CD80: variants seen among roughly 807,000 people sequenced by gnomAD.
CD80 encodes CD80 molecule.
Under a neutral mutation model 27.1 loss-of-function variants are expected in CD80, and 13 were observed. The observed-to-expected ratio is 0.48, with a 90% CI of 0.31 to 0.76. CD80 has a LOEUF of 0.76. Among genes scored for constraint, CD80 ranks in the 30% least tolerant of loss-of-function variants. The probability of loss-of-function intolerance (pLI) is 0.04; values close to 1 mark genes in which losing one functional copy is unlikely to be tolerated. For synonymous variants in CD80, 125 were observed against 125.5 expected (o/e 1.00, Z 0.03); for missense variants, 277 against 347.9 (o/e 0.80, Z 1.62).
At chr3:119,553,497 A>G (rs967473564) in intron 2 of CD80, among the ~76,000 whole-genome samples, 4 of 152,218 alleles carry the variant, frequency 2.6e-5, no homozygotes, top group African/African-American at 7.2e-5. Context: ...CATGAAGGGA[A>G]AAGAAGAATC....
intron 2 of CD80, among the ~76,000 whole-genome samples, chr3:119,551,486 C>A (rs1255290513): frequency 6.6e-6 from 1 of 152,066 alleles, no homozygotes. Context: ...TGGTTTTGGC[C>A]TCCTTCCTAC....
chr3:119,552,149 G>A (rs2082236063), intron 2 of CD80, among the ~76,000 whole-genome samples: 1 of 152,186 alleles, frequency 6.6e-6, no homozygotes, highest in African/African-American at 2.4e-5. Context: ...CACAGGAGAG[G>A]AAGCTATTTG....
At chr3:119,539,422 A>T (rs78596115) in intron 3 of CD80, among the ~76,000 whole-genome samples, 36 of 124,448 alleles carry the variant, frequency 2.9e-4, no homozygotes, top group Admixed American at 1.5e-3. Flanking sequence ...GGTTGAAATT[A>T]AAAAAAAAAA....
chr3:119,553,579 T>G (rs1431345946), intron 2 of CD80, among the ~76,000 whole-genome samples: 1 of 152,210 alleles, frequency 6.6e-6, no homozygotes, highest in Non-Finnish European at 1.5e-5. Flanking sequence ...CAGTGGCCAG[T>G]CTGCAGTGCC....
intron 2 of CD80, among the ~76,000 whole-genome samples, chr3:119,553,945 C>CT (rs1253417020): frequency 6.6e-6 from 1 of 152,218 alleles, no homozygotes; most frequent in Non-Finnish European, 1.5e-5. Context: ...ACCGACAGGG[C>CT]TGGTGTCAGC....
intron 3 of CD80, among the ~76,000 whole-genome samples, chr3:119,540,132 A>G (rs976231967): frequency 2.6e-5 from 4 of 152,130 alleles, no homozygotes; most frequent in Non-Finnish European, 5.9e-5. Flanking sequence ...TGTATTTTTA[A>G]TAGAGATGGG....
chr3:119,535,554 G>A (rs1473266253), intron 4 of CD80, among the ~76,000 whole-genome samples: 1 of 152,126 alleles, frequency 6.6e-6, no homozygotes, highest in African/African-American at 2.4e-5. Context: ...GGCCTAAGAT[G>A]TATATATTCA....
At chr3:119,542,750 T>C (rs1182983017) in intron 3 of CD80, among the ~76,000 whole-genome samples, 1 of 152,208 alleles carries the variant, frequency 6.6e-6, no homozygotes, top group Non-Finnish European at 1.5e-5. Flanking sequence ...TAAACAAAGA[T>C]GGTAACAGCC....
chr3:119,532,367 G>A lies in CD80; in HGVS notation c.701-2430C>T, dbSNP rs188595569. On this transcript the variant is annotated intron_variant, in intron 4 of 6. Transcript: ENST00000264246. ...AAGTACAAAAAATTATCGGTGGCGA[G>A]TACCAATCCCAGGTACTCAGGAGGC... Among the ~76,000 whole-genome samples the A allele has an allele frequency of 1.4e-3, 211 of 152,178 alleles. 2 individuals carry two copies. The highest frequency in any genetic ancestry group is 0.013 in the Admixed American group (192 of 15,272).
rs2082058460 is a variant in CD80 at position 119,525,350 on chromosome 3, A to C, written c.*438T>G. The C allele has an allele frequency of 6.6e-6, 1 of 152,208 alleles. No individual in the cohort carries two copies. Among genetic ancestry groups the C allele is most frequent in the South Asian group, 2.1e-4 (1 of 4,828 alleles). 9.4% of individuals were successfully genotyped at this position (152,208 alleles called of 1,614,324 possible). On this transcript the variant is annotated 3_prime_UTR_variant, in exon 7 of 7. Transcript: ENST00000264246. ...CTGAAGTTGACCTGTTATTGGACAA[A>C]TTCTACTTCCAGCAGCACTTTGCCT...
At position 119,525,340 on chromosome 3, in the gene CD80, T is replaced by A. The variant is rs536632287; in HGVS notation, c.*448A>T. On this transcript the variant is annotated 3_prime_UTR_variant, in exon 7 of 7. Transcript: ENST00000264246. Reference sequence around the variant, plus strand: ...CAGATAGTCTCTGAAGTTGACCTGTTATTGGACAAATTCTACTTCCAGCAG... The same window carrying A: ...CAGATAGTCTCTGAAGTTGACCTGTAATTGGACAAATTCTACTTCCAGCAG... 5.9e-5 allele frequency: 9 copies of A among 152,360 alleles called. No individual in the cohort carries two copies. The highest frequency in any genetic ancestry group is 5.2e-4 in the Admixed American group (8 of 15,306). The allele number at this position is 152,360 out of a possible 1,614,324, so 9.4% of individuals were successfully genotyped here.
intron 3 of CD80, among the ~76,000 whole-genome samples, chr3:119,539,315 C>T (rs758593314): frequency 6.6e-5 from 10 of 151,460 alleles, no homozygotes; most frequent in African/African-American, 2.2e-4. Flanking sequence ...TATATTTGTC[C>T]GAATTAATTA....
At chr3:119,537,694 C>T (rs887208376) in intron 3 of CD80, among the ~76,000 whole-genome samples, 16 of 152,062 alleles carry the variant, frequency 1.1e-4, no homozygotes, top group South Asian at 2.1e-4. Context: ...CCCAGCTACT[C>T]GGGAGGCTAA....
At chr3:119,535,091 C>T (rs1253516937) in intron 4 of CD80, among the ~76,000 whole-genome samples, 1 of 151,658 alleles carries the variant, frequency 6.6e-6, no homozygotes, top group African/African-American at 2.4e-5. Context: ...ACACAGGAGG[C>T]TGAGACAGGA....
chr3:119,551,288 C>G (rs2082229761), intron 2 of CD80, among the ~76,000 whole-genome samples: 1 of 152,162 alleles, frequency 6.6e-6, no homozygotes, highest in Non-Finnish European at 1.5e-5. Flanking sequence ...AGTCATAATA[C>G]TATTGCTATG....
Position 119,527,756 on chromosome 3 carries a change from C to T in CD80, c.*15G>A, listed in dbSNP as rs1258577446. 1 of 1,609,506 alleles carries T rather than the reference C, an allele frequency of 6.2e-7. No homozygotes were observed. Among genetic ancestry groups the T allele is most frequent in the Non-Finnish European group, 8.5e-7 (1 of 1,175,894 alleles). ...ACCTTCAGATCTTTTCAGCCCCTTG[C>T]TTCTGCGGACACTGTTATACAGGGC... On this transcript the variant is annotated 3_prime_UTR_variant, in exon 6 of 7. Coordinates refer to ENST00000264246, the MANE Select transcript of CD80 (RefSeq NM_005191.4).
intron 2 of CD80, among the ~76,000 whole-genome samples, chr3:119,552,074 T>G (rs986165267): frequency 1.3e-5 from 2 of 152,238 alleles, no homozygotes; most frequent in Admixed American, 1.3e-4. Context: ...GGCCTCAGCC[T>G]CTGCCTCTCC....
chr3:119,535,051 G>A (rs532467319), intron 4 of CD80, among the ~76,000 whole-genome samples: 13 of 152,250 alleles, frequency 8.5e-5, no homozygotes, highest in African/African-American at 2.9e-4. Context: ...AATTATCTGT[G>A]TGTGGTGGCT....
At position 119,529,918 on chromosome 3, in the gene CD80, A is replaced by G; in HGVS notation, c.720T>C (p.Pro240=). 1.2e-6 allele frequency: 2 copies of G among 1,613,384 alleles called. No homozygotes were observed. The highest frequency in any genetic ancestry group is 1.1e-5 in the South Asian group (1 of 91,066). The change falls in exon 5 of 7, where the codon CCT becomes CCC. Residue 240 remains proline (P), a synonymous_variant. Coordinates refer to ENST00000264246, the MANE Select transcript of CD80 (RefSeq NM_005191.4). ...TGGCCCAGGATGGGAGCAGGTTATC[A>G]GGAAAATGCTCTTGCTTGGCTATGG... The part of the protein sequence containing the change: ...NWNTTKQEHF[P]DNLLPSWAIT...
Sources: gnomAD v4.1 joint callset for allele counts (sites outside exome capture counted in the v4.1 genomes callset) on GRCh38, gnomAD v4.1.1 for gene constraint, MANE v1.5 for transcripts, NCBI Gene and HGNC (gene_info 2026-07-23, HGNC 2026-07-21) for gene names.